INPP4B: variants seen among roughly 807,000 people sequenced by gnomAD.
The protein encoded by INPP4B is inositol polyphosphate 4-phosphatase type II.
A neutral mutation model predicts 122.5 loss-of-function variants in INPP4B; 55 were observed. That is an observed-to-expected ratio of 0.45 (90% confidence interval 0.36 to 0.56). The LOEUF (loss-of-function observed/expected upper bound fraction) is 0.56, where lower values mean the gene tolerates loss of function less well. Among genes scored for constraint, INPP4B ranks in the 20% least tolerant of loss-of-function variants. INPP4B has a pLI of 0.00. For missense variants in INPP4B, 1,000 were observed against 1,097.7 expected, an observed-to-expected ratio of 0.91 and a Z score of 1.26; for synonymous variants, 403 against 388.7, an observed-to-expected ratio of 1.04 and a Z score of -0.43.
chr4:142,839,975 T>C (rs1441500429), intron 1 of INPP4B, among the ~76,000 whole-genome samples: 1 of 152,176 alleles, frequency 6.6e-6, no homozygotes, highest in African/African-American at 2.4e-5. Flanking sequence ...ACTTAAACAA[T>C]ACAGAGATCG....
chr4:142,535,070 T>C (rs1465555315), intron 2 of INPP4B, among the ~76,000 whole-genome samples: 1 of 152,200 alleles, frequency 6.6e-6, no homozygotes, highest in African/African-American at 2.4e-5. Context: ...CAAAAGGAAG[T>C]AAACATTATC....
intron 7 of INPP4B, among the ~76,000 whole-genome samples, chr4:142,390,931 C>G (rs925792956): frequency 6.6e-6 from 1 of 151,920 alleles, no homozygotes; most frequent in African/African-American, 2.4e-5. Flanking sequence ...TGGAAAGGAC[C>G]CTGAAAAGCA....
At chr4:142,775,317 T>C (rs1773689675) in intron 1 of INPP4B, among the ~76,000 whole-genome samples, 1 of 152,190 alleles carries the variant, frequency 6.6e-6, no homozygotes, top group Admixed American at 6.6e-5. Flanking sequence ...GAATGGATAG[T>C]TATGCTCAAA....
intron 1 of INPP4B, among the ~76,000 whole-genome samples, chr4:142,800,992 T>A (rs1306495377): frequency 6.6e-6 from 1 of 151,846 alleles, no homozygotes; most frequent in Non-Finnish European, 1.5e-5. Context: ...GGAAATAGAT[T>A]TGATGAAGAG....
At chr4:142,725,817 A>T in intron 2 of INPP4B, 22 bp downstream of exon 2, 1 of 397,966 alleles carries the variant, frequency 2.5e-6, no homozygotes, top group Non-Finnish European at 4.4e-6. Flanking sequence ...ATGAAAAAAT[A>T]TCAATTCAAA....
intron 2 of INPP4B, among the ~76,000 whole-genome samples, chr4:142,659,467 C>T (rs958640344): frequency 6.6e-6 from 1 of 151,898 alleles, no homozygotes; most frequent in Non-Finnish European, 1.5e-5. Context: ...ATATATTGGT[C>T]ACTAAATTCT....
At chr4:142,384,578 A>G (rs548001544) in intron 7 of INPP4B, among the ~76,000 whole-genome samples, 1 of 152,346 alleles carries the variant, frequency 6.6e-6, no homozygotes, top group East Asian at 1.9e-4. Context: ...TAGGATCACC[A>G]TTGATCTTAT....
At chr4:142,572,621 A>T (rs145418974) in intron 2 of INPP4B, among the ~76,000 whole-genome samples, 65 of 152,166 alleles carry the variant, frequency 4.3e-4, no homozygotes, top group African/African-American at 1.4e-3. Context: ...GTGATCCGAG[A>T]TTTTTCAGAA....
rs1435179346 is a variant in INPP4B, at chr4:142,025,947, G to A, written c.*2835C>T. The A allele has an allele frequency of 6.6e-6, 1 of 152,284 alleles. No homozygotes were observed. Among genetic ancestry groups the A allele is most frequent in the African/African-American group, 2.4e-5 (1 of 41,568 alleles). 9.4% of individuals were successfully genotyped at this position (152,284 alleles called of 1,614,324 possible). A position where few individuals can be genotyped will look rare whatever the true frequency, so the allele number is the denominator to read the frequency against. On this transcript the variant is annotated 3_prime_UTR_variant, in exon 26 of 26. Transcript: ENST00000262992. ...TTAAAAGCAAAAAGCAATGATATGA[G>A]ATGTAAATGAATGGTTTCCTTGTCT...
intron 25 of INPP4B, among the ~76,000 whole-genome samples, chr4:142,078,700 T>C (rs940783984): frequency 6.6e-6 from 1 of 151,930 alleles, no homozygotes; most frequent in Non-Finnish European, 1.5e-5. Context: ...CACAATACAA[T>C]AGAAAATACT....
At chr4:142,573,088 G>T (rs1733157390) in intron 2 of INPP4B, among the ~76,000 whole-genome samples, 2 of 152,128 alleles carry the variant, frequency 1.3e-5, no homozygotes, top group African/African-American at 4.8e-5. Context: ...AATCATGGCA[G>T]AGGGGTGAAG....
At chr4:142,048,891 A>G (rs1269042733) in intron 25 of INPP4B, among the ~76,000 whole-genome samples, 1 of 152,082 alleles carries the variant, frequency 6.6e-6, no homozygotes, top group Non-Finnish European at 1.5e-5. Context: ...AGGCAAATAA[A>G]ATAGGACCAG....
chr4:142,637,040 AT>A (rs918735538), intron 2 of INPP4B, among the ~76,000 whole-genome samples: 4 of 152,122 alleles, frequency 2.6e-5, no homozygotes, highest in African/African-American at 9.7e-5. Context: ...AATAAACTTT[AT>A]TTTTTAAAGC....
rs116847686 is a variant in INPP4B at position 142,159,168 on chromosome 4, T to C, written c.1563+1190A>G. Among the ~76,000 whole-genome samples the C allele has an allele frequency of 7.0e-4, 106 of 151,802 alleles. 2 individuals carry two copies. In the East Asian group the frequency reaches 0.02, roughly 28 times the overall value. On this transcript the variant is annotated intron_variant, in intron 17 of 25. Coordinates refer to ENST00000262992, the MANE Select transcript of INPP4B (RefSeq NM_001101669.3). ...GGTAAATCATTGATTTCATGACCAC[T>C]CTAAGAGCTAACAGAACACGTGCTG... is the stretch of plus-strand genomic sequence containing the variant.
At chr4:142,818,930 A>C (rs1780469086) in intron 1 of INPP4B, among the ~76,000 whole-genome samples, 1 of 152,178 alleles carries the variant, frequency 6.6e-6, no homozygotes, top group Non-Finnish European at 1.5e-5. Context: ...TAGCATGTGA[A>C]TGCCAAGAGG....
chr4:142,560,663 A>C (rs1210233971), intron 2 of INPP4B: 1 of 152,254 alleles, frequency 6.6e-6, no homozygotes, highest in Non-Finnish European at 1.5e-5. Flanking sequence ...GAGGGCAGGA[A>C]ACATCCAGCA....
At chr4:142,544,542 A>G (rs1829331762) in intron 2 of INPP4B, among the ~76,000 whole-genome samples, 1 of 152,146 alleles carries the variant, frequency 6.6e-6, no homozygotes, top group Non-Finnish European at 1.5e-5. Context: ...AAATATTTTA[A>G]AAATATTTTC....
intron 2 of INPP4B, among the ~76,000 whole-genome samples, chr4:142,593,395 T>C (rs1737970718): frequency 6.6e-6 from 1 of 152,176 alleles, no homozygotes; most frequent in South Asian, 2.1e-4. Context: ...TTATCACCAC[T>C]TGACCTTTTT....
intron 2 of INPP4B, among the ~76,000 whole-genome samples, chr4:142,504,859 T>C (rs1025297356): frequency 4.6e-5 from 7 of 152,056 alleles, no homozygotes. Context: ...GAATGAACAT[T>C]AGGACAACAC....
Sources: allele counts gnomAD v4.1 joint callset (sites outside exome capture counted in the v4.1 genomes callset), GRCh38; gene constraint gnomAD v4.1.1; transcripts MANE v1.5; gene names NCBI Gene and HGNC (gene_info 2026-07-23, HGNC 2026-07-21).